Variants in GPR158 observed in about 807,000 individuals in gnomAD.
The protein encoded by GPR158 is G protein-coupled receptor 158.
In GPR158, 30 loss-of-function variants were observed where a neutral mutation model predicts 78.2. That is an observed-to-expected ratio of 0.38 (90% CI 0.29 to 0.52). The LOEUF is 0.52. Ranked by LOEUF, GPR158 falls within the 20% of genes least tolerant of loss-of-function variation. The pLI is 0.83. For missense variants in GPR158, 1,463 were observed against 1,523.5 expected, an observed-to-expected ratio of 0.96 and a Z score of 0.66; for synonymous variants, 581 against 591.1, an observed-to-expected ratio of 0.98 and a Z score of 0.25.
At chr10:25,375,583 C>CTTTTGTTTTGTT (rs1408436337) in intron 2 of GPR158, among the ~76,000 whole-genome samples, 1 of 151,146 alleles carries the variant, frequency 6.6e-6, no homozygotes, top group African/African-American at 2.4e-5. Flanking sequence ...TTTTTGTTTT[C>CTTTTGTTTTGTT]TTTTGTTTTG....
chr10:25,201,720 G>T (rs1852931822), intron 1 of GPR158, among the ~76,000 whole-genome samples: 1 of 151,996 alleles, frequency 6.6e-6, no homozygotes, highest in Non-Finnish European at 1.5e-5. Flanking sequence ...AGCTTTTTCT[G>T]CCTCTATTGA....
chr10:25,375,886 A>C (rs1004080068), intron 2 of GPR158, among the ~76,000 whole-genome samples: 2 of 151,604 alleles, frequency 1.3e-5, no homozygotes, highest in Non-Finnish European at 3.0e-5. Context: ...TACAATTTTT[A>C]ATGTAAGTTA....
At chr10:25,259,295 T>G (rs1407614869) in intron 2 of GPR158, among the ~76,000 whole-genome samples, 2 of 152,178 alleles carry the variant, frequency 1.3e-5, no homozygotes, top group East Asian at 3.8e-4. Context: ...ATCAGGAATC[T>G]CTCTAGATTT....
intron 1 of GPR158, among the ~76,000 whole-genome samples, chr10:25,212,777 G>A (rs971486414): frequency 4.9e-4 from 74 of 151,624 alleles, no homozygotes; most frequent in African/African-American, 1.7e-3. Context: ...GAGTACAGGC[G>A]CCCGCCACCA....
chr10:25,499,209 CA>C (rs11372312), intron 5 of GPR158, among the ~76,000 whole-genome samples: 1 of 151,978 alleles, frequency 6.6e-6, no homozygotes, highest in East Asian at 1.9e-4. Context: ...TTATAATTCA[CA>C]AAAAACCAAT....
chr10:25,198,013 C>T (rs777018877), intron 1 of GPR158, among the ~76,000 whole-genome samples: 6 of 152,124 alleles, frequency 3.9e-5, no homozygotes, highest in Non-Finnish European at 7.4e-5. Context: ...AGATGTTGGT[C>T]TGCTACCTTT....
chr10:25,375,500 T>G (rs886315876), intron 2 of GPR158, among the ~76,000 whole-genome samples: 1 of 151,662 alleles, frequency 6.6e-6, no homozygotes, highest in African/African-American at 2.4e-5. Context: ...TTTTACCTTT[T>G]AAATTTTAGC....
intron 2 of GPR158, among the ~76,000 whole-genome samples, chr10:25,338,698 G>A (rs1048343160): frequency 8.2e-5 from 12 of 146,184 alleles, no homozygotes; most frequent in African/African-American, 3.0e-4. Flanking sequence ...CTGTAATTCT[G>A]TAAATTCTGA....
chr10:25,389,027 T>G (rs1259620519), intron 2 of GPR158, among the ~76,000 whole-genome samples: 1 of 152,194 alleles, frequency 6.6e-6, no homozygotes, highest in African/African-American at 2.4e-5. Flanking sequence ...GGAGGCCCAG[T>G]GGGTGCTGAG....
chr10:25,387,602 G>T (rs535534157), intron 2 of GPR158, among the ~76,000 whole-genome samples: 1 of 149,952 alleles, frequency 6.7e-6, no homozygotes, highest in Non-Finnish European at 1.5e-5. Context: ...TGCAACCTCC[G>T]CCTCCTGGGT....
chr10:25,394,867 T>C (rs1177422078), intron 2 of GPR158, among the ~76,000 whole-genome samples: 1 of 152,150 alleles, frequency 6.6e-6, no homozygotes, highest in Non-Finnish European at 1.5e-5. Flanking sequence ...ATTATGGAAT[T>C]ATTTAAATTA....
intron 7 of GPR158, among the ~76,000 whole-genome samples, chr10:25,573,957 C>T (rs1259209435): frequency 2.0e-5 from 3 of 151,716 alleles, no homozygotes; most frequent in African/African-American, 7.3e-5. Flanking sequence ...AGATAAATCA[C>T]AGCACTAAGG....
At chr10:25,587,972 AC>A (rs143468619) in intron 7 of GPR158, among the ~76,000 whole-genome samples, 8,529 of 152,256 alleles carry the variant, frequency 0.056, 299 homozygotes, top group African/African-American at 0.11. Flanking sequence ...CCAAATTAGA[AC>A]TTTCTTATTA....
intron 4 of GPR158, among the ~76,000 whole-genome samples, chr10:25,460,707 T>G (rs1835348334): frequency 6.6e-6 from 1 of 152,190 alleles, no homozygotes; most frequent in Non-Finnish European, 1.5e-5. Context: ...AGACATCTAT[T>G]TAGTATGTAT....
chr10:25,461,684 A>G (rs1023086082), intron 4 of GPR158, among the ~76,000 whole-genome samples: 1 of 152,130 alleles, frequency 6.6e-6, no homozygotes, highest in African/African-American at 2.4e-5. Context: ...CAGATTTTCA[A>G]TATTGATGAA....
intron 2 of GPR158, among the ~76,000 whole-genome samples, chr10:25,385,849 G>A (rs1834215226): frequency 6.6e-6 from 1 of 152,212 alleles, no homozygotes; most frequent in East Asian, 1.9e-4. Context: ...ATGTGCTCTG[G>A]ATATTAGCCC....
intron 5 of GPR158, among the ~76,000 whole-genome samples, chr10:25,536,231 T>C (rs933334050): frequency 6.6e-6 from 1 of 152,150 alleles, no homozygotes; most frequent in Non-Finnish European, 1.5e-5. Context: ...ATATTAAAGA[T>C]ATTAATTTCT....
chr10:25,319,413 CAAT>C (rs1854912863), intron 2 of GPR158, among the ~76,000 whole-genome samples: 1 of 152,120 alleles, frequency 6.6e-6, no homozygotes, highest in Non-Finnish European at 1.5e-5. Flanking sequence ...TAATCTAACA[CAAT>C]GTCTTCTACA....
chr10:25,473,015 G>T (rs969170294), intron 5 of GPR158, among the ~76,000 whole-genome samples: 1 of 152,042 alleles, frequency 6.6e-6, no homozygotes, highest in African/African-American at 2.4e-5. Context: ...GTGAGAGAGG[G>T]CATCCCTGTC....
Sources: allele counts gnomAD v4.1 joint callset (sites outside exome capture counted in the v4.1 genomes callset), GRCh38; gene constraint gnomAD v4.1.1; transcripts MANE v1.5; gene names NCBI Gene and HGNC (gene_info 2026-07-23, HGNC 2026-07-21).